Variants in P2RY13 observed in about 807,000 individuals in gnomAD.
The protein encoded by P2RY13 is P2Y purinoceptor 13.
For missense variants in P2RY13, 412 were observed against 418.4 expected (o/e 0.98, Z 0.13); for synonymous variants, 150 against 155.1 (o/e 0.97, Z 0.24).
At chr3:151,329,428 C>T in intron 1 of P2RY13, 53 bp downstream of exon 1, 1 of 1,127,364 alleles carries the variant, frequency 8.9e-7, no homozygotes, top group Non-Finnish European at 1.3e-6. Context: ...TTCCCTTAAG[C>T]ATATTCTTTT....
Position 151,329,464 on chromosome 3 carries a change from CA to C in P2RY13, c.48+16del. On this transcript the variant is annotated intron_variant, in intron 1 of 1. Transcript: ENST00000325602. ...ATATAAGCAAGCACACTCATAATAA[CA>C]AAAATTGAAATTCACCTTTGGGAGG... The C allele has an allele frequency of 6.6e-7, 1 of 1,518,576 alleles. No homozygotes were observed. Among genetic ancestry groups the C allele is most frequent in the Non-Finnish European group, 8.9e-7 (1 of 1,120,886 alleles). 94.1% of individuals were successfully genotyped at this position (1,518,576 alleles called of 1,614,324 possible). A position where few individuals can be genotyped will look rare whatever the true frequency, so the allele number is the denominator to read the frequency against.
Position 151,328,257 on chromosome 3 carries a change from A to G in P2RY13, c.799T>C (p.Cys267Arg), listed in dbSNP as rs1477016523. The change falls in exon 2 of 2, where the codon TGT becomes CGT. Residue 267 changes from cysteine to arginine, a missense_variant. Cys to Arg is a radical substitution (Grantham distance 180, BLOSUM62 -3). Coordinates refer to ENST00000325602, the MANE Select transcript of P2RY13 (RefSeq NM_176894.3). ...VFVVVAVFFV[C>R]FAPFHFARVP... Reference sequence around the variant, plus strand: ...CTGGCAAAATGAAATGGAGCAAAACACACAAAGAAGACAGCCACGACAACA... The same window carrying G: ...CTGGCAAAATGAAATGGAGCAAAACGCACAAAGAAGACAGCCACGACAACA... 6.2e-7 allele frequency: 1 copy of G among 1,614,054 alleles called. No homozygotes were observed. Among genetic ancestry groups the G allele is most frequent in the Admixed American group, 1.7e-5 (1 of 59,990 alleles).
chr3:151,327,348 C>T lies in P2RY13; in HGVS notation c.*643G>A, dbSNP rs1184230143. The T allele has an allele frequency of 6.6e-6, 1 of 152,178 alleles. No homozygotes were observed. The highest frequency in any genetic ancestry group is 2.4e-5 in the African/African-American group (1 of 41,444). The allele number at this position is 152,178 out of a possible 1,614,324, so 9.4% of individuals were successfully genotyped here. A position where few individuals can be genotyped will look rare whatever the true frequency, so the allele number is the denominator to read the frequency against. ...ACAGCATTCTCACACTTGAATTGTACACACTTAAGGTGTAAGCAAAGTGGC... is the reference window on the plus strand; with the variant it reads ...ACAGCATTCTCACACTTGAATTGTATACACTTAAGGTGTAAGCAAAGTGGC... On this transcript the variant is annotated 3_prime_UTR_variant, in exon 2 of 2. Transcript: ENST00000325602.
At position 151,328,669 on chromosome 3, in the gene P2RY13, C is replaced by T; in HGVS notation, c.387G>A (p.Val129=). ...SSVIFYETMY[V]GIVLLGLIAF... is the part of the protein sequence containing the mutation. Reference sequence around the variant, plus strand: ...CTATGAGCCCTAACAGCACGATGCCCACATACATGGTCTCATAAAATATCA... The same window carrying T: ...CTATGAGCCCTAACAGCACGATGCCTACATACATGGTCTCATAAAATATCA... Residue 129 remains valine (V), a synonymous_variant, in exon 2 of 2, where the codon GTG becomes GTA. Transcript: ENST00000325602. 6.2e-7 allele frequency: 1 copy of T among 1,613,588 alleles called. No homozygotes were observed. The highest frequency in any genetic ancestry group is 1.1e-5 in the South Asian group (1 of 91,062).
chr3:151,326,474 T>C lies in P2RY13; in HGVS notation c.*1517A>G, dbSNP rs2149849962. 1 of 152,464 alleles carries C rather than the reference T, an allele frequency of 6.6e-6. No homozygotes were observed. The highest frequency in any genetic ancestry group is 2.1e-4 in the South Asian group (1 of 4,812). 9.4% of individuals were successfully genotyped at this position (152,464 alleles called of 1,614,324 possible). On this transcript the variant is annotated 3_prime_UTR_variant, in exon 2 of 2. Transcript: ENST00000325602. ...TGACAGCATACAGAGGAGGGGGTGA[T>C]TGGGTTTGAGGTGATGGTGGGATAT...
chr3:151,329,108 T>C, intron 1 of P2RY13, 101 bp from the exon 2 acceptor site: 1 of 785,550 alleles, frequency 1.3e-6, no homozygotes, highest in East Asian at 2.6e-5. Flanking sequence ...TATAGCATAT[T>C]AACATCCTGC....
chr3:151,328,458 G>T lies in P2RY13; in HGVS notation c.598C>A (p.Pro200Thr), dbSNP rs963633242. The T allele has an allele frequency of 1.9e-6, 3 of 1,613,536 alleles. No individual in the cohort carries two copies. In the African/African-American group the frequency reaches 4.0e-5, roughly 22 times the overall value. The change falls in exon 2 of 2, where the codon CCT (proline) becomes ACT (threonine). Residue 200 changes from proline to threonine, a missense_variant. By Grantham distance (38) the Pro-to-Thr change is conservative. Transcript: ENST00000325602. ...SVKKCASLKG[P>T]LGLKWHQMVN... ...ATTTGATGCCATTTCAGCCCCAGAGGCCCCTTTAAGGAAGCACACTTTTTC... is the reference window on the plus strand; with the variant it reads ...ATTTGATGCCATTTCAGCCCCAGAGTCCCCTTTAAGGAAGCACACTTTTTC...
At position 151,328,931 on chromosome 3, in the gene P2RY13, A is replaced by G; in HGVS notation, c.125T>C (p.Ile42Thr). ...RSERCPRDTR[I>T]VQLVFPALYT... Reference sequence around the variant, plus strand: ...GAGGGCTGGGAATACCAGCTGTACTATCCGAGTGTCTCTGGGGCACCGCTC... The same window carrying G: ...GAGGGCTGGGAATACCAGCTGTACTGTCCGAGTGTCTCTGGGGCACCGCTC... The change falls in exon 2 of 2, where the codon ATA becomes ACA. Residue 42 changes from isoleucine to threonine, a missense_variant. Ile to Thr is a moderately conservative substitution (Grantham distance 89). Coordinates refer to ENST00000325602, the MANE Select transcript of P2RY13 (RefSeq NM_176894.3). 1.2e-6 allele frequency: 2 copies of G among 1,613,854 alleles called. No individual in the cohort carries two copies. Among genetic ancestry groups the G allele is most frequent in the Non-Finnish European group, 1.7e-6 (2 of 1,179,750 alleles).
rs63497161 is a variant in P2RY13 at position 151,327,734 on chromosome 3, T to TAAA, written c.*254_*256dup. On this transcript the variant is annotated 3_prime_UTR_variant, in exon 2 of 2. Coordinates refer to ENST00000325602, the MANE Select transcript of P2RY13 (RefSeq NM_176894.3). ...TGTTAAAGTGAAATGCTCTTGAAAT[T>TAAA]AAAAAAAAAAAAAAAGAAAGAAAGA... 187 of 252,456 alleles carry TAAA rather than the reference T, an allele frequency of 7.4e-4. No homozygotes were observed. The highest frequency in any genetic ancestry group is 1.9e-3 in the Admixed American group (35 of 18,680). 15.6% of individuals were successfully genotyped at this position (252,456 alleles called of 1,614,324 possible). A position where few individuals can be genotyped will look rare whatever the true frequency, so the allele number is the denominator to read the frequency against.
Position 151,327,438 on chromosome 3 carries a change from G to A in P2RY13, c.*553C>T, listed in dbSNP as rs1345535471. The A allele has an allele frequency of 6.6e-6, 1 of 152,178 alleles. No individual in the cohort carries two copies. The allele number at this position is 152,178 out of a possible 1,614,324, so 9.4% of individuals were successfully genotyped here. On this transcript the variant is annotated 3_prime_UTR_variant, in exon 2 of 2. Coordinates refer to ENST00000325602, the MANE Select transcript of P2RY13 (RefSeq NM_176894.3). ...AATGTGAAAGAGGCTGTTTGTAATT[G>A]TAAGGAGAAAATCCTTTACCCAGGA...
At position 151,328,551 on chromosome 3, in the gene P2RY13, A is replaced by G; in HGVS notation, c.505T>C (p.Phe169Leu). The change falls in exon 2 of 2, where the codon TTC becomes CTC. Residue 169 changes from phenylalanine (F) to leucine (L), a missense_variant. By Grantham distance (22) the Phe-to-Leu change is conservative. Coordinates refer to ENST00000325602, the MANE Select transcript of P2RY13 (RefSeq NM_176894.3). ...FAKTVSIFIWFFLFFISLPNT... is the reference protein window; with the variant it reads ...FAKTVSIFIWLFLFFISLPNT... The stretch of plus-strand genomic sequence containing the variant: ...GGCAGGGAGATGAAGAACAAAAAGA[A>G]CCAGATGAAGATTGAGACCGTTTTT... The G allele has an allele frequency of 6.2e-7, 1 of 1,613,868 alleles. No individual in the cohort carries two copies. Among genetic ancestry groups the G allele is most frequent in the East Asian group, 2.2e-5 (1 of 44,876 alleles).
In P2RY13 at chr3:151,326,336, T is replaced by C. The variant is rs1300331926; in HGVS notation, c.*1655A>G. On this transcript the variant is annotated 3_prime_UTR_variant, in exon 2 of 2. Transcript: ENST00000325602. ...CTTTATTTTATCAAACATTTATTGA[T>C]TGCACAATGAAACAATCTCTCCTTT... The C allele has an allele frequency of 6.6e-6, 1 of 152,616 alleles. No individual in the cohort carries two copies. Among genetic ancestry groups the C allele is most frequent in the African/African-American group, 2.4e-5 (1 of 41,438 alleles). The allele number at this position is 152,616 out of a possible 1,614,324, so 9.5% of individuals were successfully genotyped here.
rs1406505126 is a variant in P2RY13 at position 151,327,837 on chromosome 3, T to C, written c.*154A>G. On this transcript the variant is annotated 3_prime_UTR_variant, in exon 2 of 2. Transcript: ENST00000325602. Reference sequence around the variant, plus strand: ...TTCATTCAGCTTATGAATAGATCTATGTGGATTTAAATTTTATATAATCTT... The same window carrying C: ...TTCATTCAGCTTATGAATAGATCTACGTGGATTTAAATTTTATATAATCTT... 1.8e-6 allele frequency: 1 copy of C among 557,686 alleles called. No individual in the cohort carries two copies. Among genetic ancestry groups the C allele is most frequent in the Non-Finnish European group, 3.0e-6 (1 of 328,048 alleles). The allele number at this position is 557,686 out of a possible 1,614,324, so 34.5% of individuals were successfully genotyped here. A position where few individuals can be genotyped will look rare whatever the true frequency, so the allele number is the denominator to read the frequency against.
Position 151,327,814 on chromosome 3 carries a change from C to G in P2RY13, c.*177G>C. ...CTGTTGCATTCTCTTAGTAATGGTT[C>G]ATTCAGCTTATGAATAGATCTATGT... On this transcript the variant is annotated 3_prime_UTR_variant, in exon 2 of 2. Coordinates refer to ENST00000325602, the MANE Select transcript of P2RY13 (RefSeq NM_176894.3). 2.3e-6 allele frequency: 1 copy of G among 442,262 alleles called. No homozygotes were observed. Among genetic ancestry groups the G allele is most frequent in the Non-Finnish European group, 4.0e-6 (1 of 252,438 alleles). 27.4% of individuals were successfully genotyped at this position (442,262 alleles called of 1,614,324 possible). A position where few individuals can be genotyped will look rare whatever the true frequency, so the allele number is the denominator to read the frequency against.
In P2RY13 at chr3:151,328,845, GAACA is replaced by G. The variant is rs759959036; in HGVS notation, c.207_210del (p.Val70ThrfsTer20). The G allele has an allele frequency of 6.2e-7, 1 of 1,613,966 alleles. No individual in the cohort carries two copies. Among genetic ancestry groups the G allele is most frequent in the South Asian group, 1.1e-5 (1 of 91,076 alleles). On this transcript the variant is annotated frameshift_variant, in exon 2 of 2. Transcript: ENST00000325602. LOFTEE classifies it low-confidence loss of function (END_TRUNC). Reference sequence around the variant, plus strand: ...ATGAAGGTGGAGGAGCTGGGGATGTGAACAAACACCCACAGAGCCAAAGTATTCA... The same window carrying G: ...ATGAAGGTGGAGGAGCTGGGGATGTGAACACCCACAGAGCCAAAGTATTCA...
At position 151,327,994 on chromosome 3, in the gene P2RY13, G is replaced by C; in HGVS notation, c.1062C>G (p.Gly354=). ...AAGTTAACCCTATGTACAGTTGTCA[G>C]CCTAAGGTTATGTTGTCTGTCTGAC... The part of the protein sequence containing the change: ...HSSQTDNITL[G] Residue 354 remains glycine (G), a synonymous_variant, in exon 2 of 2, where the codon GGC becomes GGG. Transcript: ENST00000325602. 6.4e-7 allele frequency: 1 copy of C among 1,556,688 alleles called. No homozygotes were observed. Among genetic ancestry groups the C allele is most frequent in the African/African-American group, 1.4e-5 (1 of 72,674 alleles).
rs780595250 is a variant in P2RY13 at position 151,328,019 on chromosome 3, C to A, written c.1037G>T (p.Ser346Ile). ...GCCTAAGGTTATGTTGTCTGTCTGACTGCTATGATTTTCTTGGCTTGATGC... is the reference window on the plus strand; with the variant it reads ...GCCTAAGGTTATGTTGTCTGTCTGAATGCTATGATTTTCTTGGCTTGATGC... The part of the protein sequence containing the change: ...TTASSQENHS[S>I]QTDNITLG The change falls in exon 2 of 2, where the codon AGT (serine) becomes ATT (isoleucine). Residue 346 changes from serine (S) to isoleucine (I), a missense_variant. Physicochemically the swap from Ser to Ile is moderately radical, Grantham distance 142. Transcript: ENST00000325602. The A allele has an allele frequency of 1.9e-6, 3 of 1,587,270 alleles. No individual in the cohort carries two copies. The South Asian group carries it at 3.5e-5, about 18-fold the overall frequency.
chr3:151,327,140 A>G lies in P2RY13; in HGVS notation c.*851T>C, dbSNP rs575333352. 7 of 152,302 alleles carry G rather than the reference A, an allele frequency of 4.6e-5. No homozygotes were observed. The East Asian group carries it at 1.3e-3, about 29-fold the overall frequency. The allele number at this position is 152,302 out of a possible 1,614,324, so 9.4% of individuals were successfully genotyped here. The stretch of plus-strand genomic sequence containing the variant: ...CAGTCAAGAATATAGCTAACTAGAA[A>G]AGGGAGATCTGCATTGAGAACCCTA... On this transcript the variant is annotated 3_prime_UTR_variant, in exon 2 of 2. Coordinates refer to ENST00000325602, the MANE Select transcript of P2RY13 (RefSeq NM_176894.3).
rs1749890273 is a variant in P2RY13, at chr3:151,328,264, G to A, written c.792C>T (p.Phe264=). 7 of 1,613,952 alleles carry A rather than the reference G, an allele frequency of 4.3e-6. No homozygotes were observed. Among genetic ancestry groups the A allele is most frequent in the South Asian group, 1.1e-5 (1 of 91,070 alleles). Residue 264 remains phenylalanine (F), a synonymous_variant, in exon 2 of 2, where the codon TTC becomes TTT. Transcript: ENST00000325602. The part of the protein sequence containing the change: ...EGKVFVVVAV[F]FVCFAPFHFA... ...AATGAAATGGAGCAAAACACACAAA[G>A]AAGACAGCCACGACAACAAATACTT...
Sources: gnomAD v4.1 joint callset for allele counts on GRCh38, gnomAD v4.1.1 for gene constraint, MANE v1.5 for transcripts, NCBI Gene and HGNC (gene_info 2026-07-23, HGNC 2026-07-21) for gene names.